ZFHX3: variants seen among roughly 807,000 people sequenced by gnomAD.
ZFHX3 encodes zinc finger homeobox 3.
Under a neutral mutation model 279.1 loss-of-function variants are expected in ZFHX3, and 42 were observed. The observed-to-expected ratio is 0.15, with a 90% CI of 0.12 to 0.19. The LOEUF (loss-of-function observed/expected upper bound fraction) is 0.19. Among genes scored for constraint, ZFHX3 ranks in the 10% least tolerant of loss-of-function variants. The pLI, the probability that ZFHX3 is intolerant of heterozygous loss-of-function variation, is 1.00. For synonymous variants in ZFHX3, 2,293 were observed against 1,957.8 expected (o/e 1.17, Z -4.52); for missense variants, 4,981 against 4,754.0 (o/e 1.05, Z -1.40).
At chr16:72,811,480 T>C (rs2036444624) in intron 7 of ZFHX3, 97 bp downstream of exon 7, 3 of 1,270,860 alleles carry the variant, frequency 2.4e-6, no homozygotes, top group Non-Finnish European at 3.2e-6. Flanking sequence ...AACTCTACAC[T>C]GACTTTCTCG....
chr16:73,689,468 G>T (rs904718993), intron 1 of ZFHX3, among the ~76,000 whole-genome samples: 17 of 152,194 alleles, frequency 1.1e-4, no homozygotes, highest in African/African-American at 3.9e-4. Flanking sequence ...AGCAAGTGAA[G>T]GAGCAGCCCA....
At chr16:73,440,556 C>A (rs2018074213) in intron 3 of ZFHX3, among the ~76,000 whole-genome samples, 1 of 152,198 alleles carries the variant, frequency 6.6e-6, no homozygotes, top group African/African-American at 2.4e-5. Flanking sequence ...TCATTTCTGA[C>A]AGATTGAGAG....
chr16:73,057,766 G>A (rs907052615), intron 1 of ZFHX3, among the ~76,000 whole-genome samples: 2 of 151,172 alleles, frequency 1.3e-5, no homozygotes, highest in Non-Finnish European at 3.0e-5. Context: ...AGAGGATCGC[G>A]CGGCCGCCTC....
upstream of ZFHX3, among the ~76,000 whole-genome samples, chr16:73,050,078 C>T (rs1199202028): frequency 6.6e-6 from 1 of 152,150 alleles, no homozygotes; most frequent in Non-Finnish European, 1.5e-5. Flanking sequence ...AATGTTGATA[C>T]TCTCAGAAAA....
intron 2 of ZFHX3, among the ~76,000 whole-genome samples, chr16:73,669,360 T>C (rs1479723539): frequency 6.6e-6 from 1 of 152,226 alleles, no homozygotes; most frequent in Non-Finnish European, 1.5e-5. Flanking sequence ...AGCTGATCTT[T>C]GTATTTTCTA....
chr16:73,515,355 C>A (rs1421640913), intron 2 of ZFHX3, among the ~76,000 whole-genome samples: 1 of 151,982 alleles, frequency 6.6e-6, no homozygotes, highest in Non-Finnish European at 1.5e-5. Flanking sequence ...GTAAAGGGAT[C>A]CCTTAGTCAC....
chr16:73,229,869 G>A (rs2012718128), intron 5 of ZFHX3, among the ~76,000 whole-genome samples: 1 of 152,160 alleles, frequency 6.6e-6, no homozygotes. Flanking sequence ...TTGAGAATGT[G>A]AATCTAGGAT....
At chr16:72,946,259 A>C (rs944070669) in intron 3 of ZFHX3, among the ~76,000 whole-genome samples, 2 of 152,176 alleles carry the variant, frequency 1.3e-5, no homozygotes, top group Non-Finnish European at 2.9e-5. Context: ...TGGCTTGGAC[A>C]CTGGCTTCTC....
chr16:73,577,291 CCTT>C (rs1408553032), intron 2 of ZFHX3, among the ~76,000 whole-genome samples: 1 of 152,130 alleles, frequency 6.6e-6, no homozygotes, highest in African/African-American at 2.4e-5. Flanking sequence ...TCAGGCACTT[CCTT>C]CTTCTTTACT....
intron 7 of ZFHX3, among the ~76,000 whole-genome samples, chr16:73,108,973 G>A (rs970093171): frequency 1.4e-5 from 2 of 147,428 alleles, no homozygotes; most frequent in African/African-American, 2.6e-5. Flanking sequence ...AAAGAGGTGC[G>A]GCTAACAAGC....
At chr16:73,207,743 A>G (rs1306980168) in intron 5 of ZFHX3, among the ~76,000 whole-genome samples, 1 of 152,214 alleles carries the variant, frequency 6.6e-6, no homozygotes, top group African/African-American at 2.4e-5. Context: ...GGGAAAAGAG[A>G]AGGTGAGGGC....
At chr16:73,673,827 C>T (rs1038206306) in intron 2 of ZFHX3, among the ~76,000 whole-genome samples, 10 of 152,062 alleles carry the variant, frequency 6.6e-5, no homozygotes, top group Non-Finnish European at 1.2e-4. Flanking sequence ...GGCAGTGAAG[C>T]TCCATGAAAA....
At chr16:73,625,494 A>T (rs2052406277) in intron 2 of ZFHX3, among the ~76,000 whole-genome samples, 1 of 152,240 alleles carries the variant, frequency 6.6e-6, no homozygotes, top group East Asian at 1.9e-4. Flanking sequence ...GATATCCATT[A>T]TGTATATAAT....
chr16:72,876,102 A>G (rs1349228800), intron 4 of ZFHX3, among the ~76,000 whole-genome samples: 1 of 152,242 alleles, frequency 6.6e-6, no homozygotes, highest in East Asian at 1.9e-4. Flanking sequence ...GGCTATTTTT[A>G]TCCCAACTTC....
chr16:72,806,727 T>A (rs765462132), intron 7 of ZFHX3, among the ~76,000 whole-genome samples: 10 of 151,768 alleles, frequency 6.6e-5, no homozygotes, highest in Admixed American at 2.0e-4. Context: ...GGTTACAAAC[T>A]ATTGGTCTCA....
chr16:73,177,385 T>C (rs1003036165), intron 5 of ZFHX3, among the ~76,000 whole-genome samples: 1 of 152,220 alleles, frequency 6.6e-6, no homozygotes, highest in African/African-American at 2.4e-5. Flanking sequence ...AGAATACTAA[T>C]GTTAAAGGGG....
Position 72,787,050 on chromosome 16 carries a change from T to TG in ZFHX3, c.*113_*114insC, listed in dbSNP as rs1430002054. 120 of 1,027,754 alleles carry TG rather than the reference T, an allele frequency of 1.2e-4. No individual in the cohort carries two copies. The highest frequency in any genetic ancestry group is 1.6e-4 in the East Asian group (4 of 25,634). The allele number at this position is 1,027,754 out of a possible 1,614,324, so 63.7% of individuals were successfully genotyped here. ...TTTTTCTTTTTTTTCTTTTTTTTTT[T>TG]TTTTTTGTTTTTTGGTTAGAAGCTT... On this transcript the variant is annotated 3_prime_UTR_variant, in exon 10 of 10. Coordinates refer to ENST00000268489, the MANE Select transcript of ZFHX3 (RefSeq NM_006885.4).
At chr16:73,345,261 AC>A (rs1457544164) in intron 3 of ZFHX3, among the ~76,000 whole-genome samples, 2 of 152,148 alleles carry the variant, frequency 1.3e-5, no homozygotes, top group African/African-American at 4.8e-5. Flanking sequence ...GTTCCAGGGA[AC>A]ATGTGCAGGA....
intron 2 of ZFHX3, among the ~76,000 whole-genome samples, chr16:73,489,689 T>A (rs8052290): frequency 0.013 from 1,932 of 152,156 alleles, 40 homozygotes; most frequent in African/African-American, 0.043. Flanking sequence ...AAATAATCTC[T>A]CCTTACTTTT....
Sources: gnomAD v4.1 joint callset for allele counts (sites outside exome capture counted in the v4.1 genomes callset) on GRCh38, gnomAD v4.1.1 for gene constraint, MANE v1.5 for transcripts, NCBI Gene and HGNC (gene_info 2026-07-23, HGNC 2026-07-21) for gene names.